Variants in PROS1 observed in about 807,000 individuals in gnomAD.
PROS1 encodes vitamin K-dependent protein S.
A neutral mutation model predicts 75.9 loss-of-function variants in PROS1; 29 were observed. The ratio of observed to expected loss-of-function variants is 0.38; its 90% confidence interval spans 0.28 to 0.52. PROS1 has a LOEUF of 0.52. Among genes scored for constraint, PROS1 ranks in the 20% least tolerant of loss-of-function variants. The pLI, the probability that PROS1 is intolerant of heterozygous loss-of-function variation, is 0.83. For synonymous variants in PROS1, 245 were observed against 280.6 expected, an observed-to-expected ratio of 0.87 and a Z score of 1.27; for missense variants, 680 against 810.3, an observed-to-expected ratio of 0.84 and a Z score of 1.95.
intron 2 of PROS1, among the ~76,000 whole-genome samples, chr3:93,925,935 G>A (rs1320300920): frequency 2.0e-5 from 3 of 151,620 alleles, no homozygotes; most frequent in Admixed American, 1.3e-4. Context: ...TTAGTGGAAG[G>A]GAGGAAGCAC....
chr3:93,901,425 C>T (rs563246449), intron 6 of PROS1, among the ~76,000 whole-genome samples: 35 of 152,134 alleles, frequency 2.3e-4, no homozygotes, highest in Admixed American at 1.5e-3. Context: ...TGCAGTTAAT[C>T]CAATATGAAT....
intron 1 of PROS1, among the ~76,000 whole-genome samples, chr3:93,952,578 A>C (rs1252109105): frequency 3.9e-5 from 6 of 152,260 alleles, no homozygotes; most frequent in African/African-American, 7.2e-5. Context: ...CATTTAAAGC[A>C]GTGTGTAGAG....
intron 14 of PROS1, among the ~76,000 whole-genome samples, chr3:93,876,456 G>A (rs964304474): frequency 3.3e-5 from 5 of 151,900 alleles, no homozygotes; most frequent in African/African-American, 1.2e-4. Context: ...GGGTGTGGTG[G>A]CGGGCACCTG....
chr3:93,951,236 T>C (rs1709490260), intron 1 of PROS1, among the ~76,000 whole-genome samples: 1 of 152,002 alleles, frequency 6.6e-6, no homozygotes, highest in African/African-American at 2.4e-5. Context: ...ATTCAGGAAA[T>C]ACAGAGAATG....
chr3:93,883,392 G>A (rs1267908896), intron 12 of PROS1, among the ~76,000 whole-genome samples: 2 of 152,032 alleles, frequency 1.3e-5, no homozygotes, highest in Admixed American at 1.3e-4. Context: ...CTGAAGTCAG[G>A]AGTTTGAAAC....
intron 1 of PROS1, among the ~76,000 whole-genome samples, chr3:93,936,576 G>T (rs1181414186): frequency 1.3e-5 from 2 of 152,276 alleles, no homozygotes; most frequent in Admixed American, 1.3e-4. Context: ...CAGCGAGAAG[G>T]CAGCCATTTG....
chr3:93,924,589 T>A lies in PROS1; in HGVS notation c.235-325A>T, dbSNP rs553027887. Among the ~76,000 whole-genome samples, 6 of 152,156 alleles carry A rather than the reference T, an allele frequency of 3.9e-5. No individual in the cohort carries two copies. The East Asian group carries it at 9.7e-4, about 25-fold the overall frequency. On this transcript the variant is annotated intron_variant, in intron 2 of 14. Coordinates refer to ENST00000394236, the MANE Select transcript of PROS1 (RefSeq NM_000313.4). ...CTTTAATTTTTCCATAATGATTAGA[T>A]AACCATTTGACACATTTTATGTCAT...
At chr3:93,940,336 T>G in intron 1 of PROS1, among the ~76,000 whole-genome samples, 1 of 152,148 alleles carries the variant, frequency 6.6e-6, no homozygotes, top group South Asian at 2.1e-4. Flanking sequence ...TCACATATGC[T>G]TTGGGTAACT....
At chr3:93,948,137 A>G (rs557070891) in intron 1 of PROS1, among the ~76,000 whole-genome samples, 52 of 152,350 alleles carry the variant, frequency 3.4e-4, no homozygotes, top group African/African-American at 1.0e-3. Context: ...AGATCGCCAG[A>G]TATTTGCATA....
chr3:93,957,297 C>A (rs531977617), intron 1 of PROS1, among the ~76,000 whole-genome samples: 8 of 152,220 alleles, frequency 5.3e-5, no homozygotes, highest in Non-Finnish European at 1.2e-4. Flanking sequence ...TATGTGTGGA[C>A]AAAAGCTTAG....
chr3:93,959,864 C>A (rs557224800), intron 1 of PROS1, among the ~76,000 whole-genome samples: 2 of 152,152 alleles, frequency 1.3e-5, no homozygotes, highest in African/African-American at 4.8e-5. Context: ...CATATTTTTT[C>A]GTTCTGCTAC....
At chr3:93,874,803 T>A (rs920598222) in intron 14 of PROS1, among the ~76,000 whole-genome samples, 7 of 152,130 alleles carry the variant, frequency 4.6e-5, no homozygotes, top group Admixed American at 2.6e-4. Flanking sequence ...TACTTGGGAA[T>A]CTCTTTTAAA....
chr3:93,972,584 A>T lies in PROS1; in HGVS notation c.76+1090T>A, dbSNP rs1463586102. Among the ~76,000 whole-genome samples, 3 of 152,194 alleles carry T rather than the reference A, an allele frequency of 2.0e-5. No individual in the cohort carries two copies. In the East Asian group the frequency reaches 5.8e-4, roughly 29 times the overall value. On this transcript the variant is annotated intron_variant, in intron 1 of 14. Coordinates refer to ENST00000394236, the MANE Select transcript of PROS1 (RefSeq NM_000313.4). ...CCAGGTGCGGTGGCTCACGCCTGTA[A>T]TCCCAGCACTTTGGGAGGCCAAGGC...
intron 1 of PROS1, among the ~76,000 whole-genome samples, chr3:93,929,799 A>G (rs1182488871): frequency 2.0e-5 from 3 of 152,230 alleles, no homozygotes; most frequent in Admixed American, 2.0e-4. Context: ...ACAGCTTTTT[A>G]ATGAAAAATG....
chr3:93,927,225 C>CTT, intron 2 of PROS1, 25 bp downstream of exon 2: 1 of 1,612,038 alleles, frequency 6.2e-7, no homozygotes, highest in Non-Finnish European at 8.5e-7. Context: ...GATGTGTGAA[C>CTT]TTGATAGTTT....
At chr3:93,929,184 A>C (rs984324175) in intron 1 of PROS1, among the ~76,000 whole-genome samples, 7 of 152,206 alleles carry the variant, frequency 4.6e-5, no homozygotes, top group Non-Finnish European at 8.8e-5. Context: ...ATATCTATCA[A>C]GAGGGGCACA....
chr3:93,946,838 G>GA (rs769904782), intron 1 of PROS1, among the ~76,000 whole-genome samples: 8,215 of 63,890 alleles, frequency 0.13, 450 homozygotes, highest in African/African-American at 0.2. Flanking sequence ...CTTCTGCACA[G>GA]AAAAAAAAAA....
chr3:93,912,454 C>T (rs985626792), intron 3 of PROS1, among the ~76,000 whole-genome samples: 9 of 152,032 alleles, frequency 5.9e-5, no homozygotes, highest in South Asian at 4.2e-4. Flanking sequence ...ATGTCTGGGG[C>T]GGGGAGGGGC....
At chr3:93,899,364 C>A (rs1708550880) in intron 7 of PROS1, among the ~76,000 whole-genome samples, 1 of 151,844 alleles carries the variant, frequency 6.6e-6, no homozygotes. Context: ...CTCATAAATG[C>A]TATTATTGAA....
Sources: gnomAD v4.1 joint callset for allele counts (sites outside exome capture counted in the v4.1 genomes callset) on GRCh38, gnomAD v4.1.1 for gene constraint, MANE v1.5 for transcripts, NCBI Gene and HGNC (gene_info 2026-07-23, HGNC 2026-07-21) for gene names.